Variants in CLVS1 observed in about 807,000 individuals in gnomAD.
The protein encoded by CLVS1 is clavesin-1.
CLVS1 carries 10 observed loss-of-function variants against 33.1 expected under a neutral mutation model. That is an observed-to-expected ratio of 0.30 (90% CI 0.19 to 0.51). CLVS1 has a LOEUF of 0.51. Ranked by LOEUF, CLVS1 falls within the 20% of genes least tolerant of loss-of-function variation. CLVS1 has a pLI of 0.97. For synonymous variants in CLVS1, 163 were observed against 166.1 expected, an observed-to-expected ratio of 0.98 and a Z score of 0.14; for missense variants, 343 against 433.4, an observed-to-expected ratio of 0.79 and a Z score of 1.85.
intron 2 of CLVS1, among the ~76,000 whole-genome samples, chr8:61,269,621 T>C (rs1437310441): frequency 2.6e-5 from 4 of 151,244 alleles, no homozygotes; most frequent in Non-Finnish European, 5.9e-5. Context: ...ATGGCCATTT[T>C]CACGATATTG....
At chr8:61,354,118 T>C (rs1018096998) in intron 2 of CLVS1, among the ~76,000 whole-genome samples, 3 of 151,980 alleles carry the variant, frequency 2.0e-5, no homozygotes, top group Non-Finnish European at 4.4e-5. Flanking sequence ...AAAAGACACT[T>C]CTGGGCCCAC....
intron 2 of CLVS1, among the ~76,000 whole-genome samples, chr8:61,175,769 C>T (rs967988520): frequency 1.3e-5 from 2 of 152,204 alleles, no homozygotes; most frequent in Admixed American, 1.3e-4. Context: ...GGAACATGGC[C>T]CTGCTGACAT....
Position 61,325,622 on chromosome 8 carries a change from T to C in CLVS1, c.455+25340T>C, listed in dbSNP as rs141001634. Among the ~76,000 whole-genome samples the C allele has an allele frequency of 1.6e-4, 24 of 152,262 alleles. No individual in the cohort carries two copies. The East Asian group carries it at 4.3e-3, about 27-fold the overall frequency. Reference sequence around the variant, plus strand: ...AGCTGCTGTGTGGCAACACCTTGAGTTTCTCAGATGTTCTTTTATCTAGCT... The same window carrying C: ...AGCTGCTGTGTGGCAACACCTTGAGCTTCTCAGATGTTCTTTTATCTAGCT... On this transcript the variant is annotated intron_variant, in intron 2 of 5. Transcript: ENST00000325897.
chr8:61,243,629 T>G (rs1197629683), intron 2 of CLVS1, among the ~76,000 whole-genome samples: 1 of 152,228 alleles, frequency 6.6e-6, no homozygotes, highest in Admixed American at 6.5e-5. Flanking sequence ...TTGGCATAAA[T>G]GTATTCATAT....
chr8:61,085,874 A>G (rs1331839064), intron 1 of CLVS1, among the ~76,000 whole-genome samples: 1 of 151,724 alleles, frequency 6.6e-6, no homozygotes, highest in African/African-American at 2.4e-5. Context: ...ATACAAAAAA[A>G]TTAGCCGGGT....
At chr8:61,258,633 G>C (rs957390350) in intron 2 of CLVS1, among the ~76,000 whole-genome samples, 2 of 152,144 alleles carry the variant, frequency 1.3e-5, no homozygotes, top group African/African-American at 4.8e-5. Flanking sequence ...GTTATTTATT[G>C]CTCTCTTTAC....
chr8:61,233,786 A>AT (rs1408064763), intron 2 of CLVS1, among the ~76,000 whole-genome samples: 1 of 152,198 alleles, frequency 6.6e-6, no homozygotes, highest in Non-Finnish European at 1.5e-5. Flanking sequence ...TCCTTGATGC[A>AT]TGGGCTTTGG....
At chr8:61,388,716 G>A (rs1306208214) in intron 3 of CLVS1, among the ~76,000 whole-genome samples, 2 of 152,048 alleles carry the variant, frequency 1.3e-5, no homozygotes, top group African/African-American at 4.8e-5. Flanking sequence ...GTATAGAGAT[G>A]AGATCAGGCT....
At chr8:61,242,523 C>T (rs1463729972) in intron 2 of CLVS1, among the ~76,000 whole-genome samples, 1 of 152,126 alleles carries the variant, frequency 6.6e-6, no homozygotes, top group Non-Finnish European at 1.5e-5. Context: ...GGCATGGTGG[C>T]TGATGCTTGT....
intron 2 of CLVS1, among the ~76,000 whole-genome samples, chr8:61,155,668 C>G (rs1362782748): frequency 6.6e-6 from 1 of 152,026 alleles, no homozygotes; most frequent in Non-Finnish European, 1.5e-5. Flanking sequence ...CTGCAAACCA[C>G]AGGAATAGCT....
chr8:61,387,781 C>T (rs911016613), intron 3 of CLVS1, among the ~76,000 whole-genome samples: 1 of 152,120 alleles, frequency 6.6e-6, no homozygotes, highest in Non-Finnish European at 1.5e-5. Context: ...TCTTTAATTC[C>T]ATCCAGGTTG....
intron 3 of CLVS1, among the ~76,000 whole-genome samples, chr8:61,448,755 T>A (rs1379805944): frequency 6.6e-6 from 1 of 152,048 alleles, no homozygotes; most frequent in Non-Finnish European, 1.5e-5. Context: ...TATTTTATAT[T>A]TATTTGCTAT....
At chr8:61,269,370 G>T (rs4737582) in intron 2 of CLVS1, among the ~76,000 whole-genome samples, 1 of 151,986 alleles carries the variant, frequency 6.6e-6, no homozygotes, top group African/African-American at 2.4e-5. Context: ...TGTTCCATTC[G>T]TCTATATCTC....
At chr8:61,239,138 A>G (rs1029435077) in intron 2 of CLVS1, among the ~76,000 whole-genome samples, 5 of 152,208 alleles carry the variant, frequency 3.3e-5, no homozygotes, top group African/African-American at 1.2e-4. Context: ...AACTCCTTAA[A>G]TAGCATGCTA....
At chr8:61,190,955 G>A (rs1047982701) in intron 2 of CLVS1, among the ~76,000 whole-genome samples, 4 of 152,254 alleles carry the variant, frequency 2.6e-5, no homozygotes, top group Admixed American at 6.5e-5. Context: ...ACAACGAAGA[G>A]CTGGTACCAT....
chr8:60,991,428 A>G, the CLVS1 span, among the ~76,000 whole-genome samples: 3 of 152,246 alleles, frequency 2.0e-5, no homozygotes, highest in Non-Finnish European at 4.4e-5. Flanking sequence ...TTTGGAAAAC[A>G]TGTGAATGTG....
At chr8:61,407,414 G>A (rs1815035065) in intron 3 of CLVS1, among the ~76,000 whole-genome samples, 2 of 152,168 alleles carry the variant, frequency 1.3e-5, no homozygotes, top group Non-Finnish European at 2.9e-5. Context: ...TATTAATATT[G>A]TAAATGTAAT....
intron 1 of CLVS1, among the ~76,000 whole-genome samples, chr8:61,092,997 A>G (rs554890188): frequency 6.6e-6 from 1 of 152,282 alleles, no homozygotes; most frequent in Non-Finnish European, 1.5e-5. Flanking sequence ...GGAAAGAAAG[A>G]AGCACCTTAG....
chr8:61,314,436 A>G (rs1810943881), intron 2 of CLVS1, among the ~76,000 whole-genome samples: 1 of 152,258 alleles, frequency 6.6e-6, no homozygotes, highest in Non-Finnish European at 1.5e-5. Context: ...GTTGAGGTCT[A>G]CATTTTAAAG....
Sources: allele counts gnomAD v4.1 joint callset (sites outside exome capture counted in the v4.1 genomes callset), GRCh38; gene constraint gnomAD v4.1.1; transcripts MANE v1.5; gene names NCBI Gene and HGNC (gene_info 2026-07-23, HGNC 2026-07-21).